The following ZNF583 variants were observed in gnomAD, a reference collection of about 807,000 sequenced individuals.
The protein encoded by ZNF583 is zinc finger protein L3-5.
Under a neutral mutation model 55.3 loss-of-function variants are expected in ZNF583, and 30 were observed. That is an observed-to-expected ratio of 0.54 (90% confidence interval 0.41 to 0.74). ZNF583 has a LOEUF of 0.74. ZNF583 is among the 30% of genes least tolerant of loss of function. The probability of loss-of-function intolerance (pLI) is 0.00; values close to 1 mark genes in which losing one functional copy is unlikely to be tolerated. For missense variants in ZNF583, 504 were observed against 664.7 expected, an observed-to-expected ratio of 0.76 and a Z score of 2.66; for synonymous variants, 208 against 220.0, an observed-to-expected ratio of 0.95 and a Z score of 0.48.
upstream of ZNF583, chr19:56,404,219 G>C (rs929889182): frequency 1.3e-5 from 2 of 152,638 alleles, no homozygotes; most frequent in African/African-American, 4.8e-5. The surrounding 1 kb of genome is among the most constrained non-coding windows in gnomAD (Gnocchi z 5.2). Context: ...GTAACTACCC[G>C]CAACTGAGCG....
Position 56,404,388 on chromosome 19 carries a change from G to T in ZNF583, c.-154G>T, listed in dbSNP as rs2042111600. 1 of 151,272 alleles carries T rather than the reference G, an allele frequency of 6.6e-6. No homozygotes were observed. The highest frequency in any genetic ancestry group is 6.6e-5 in the Admixed American group (1 of 15,254). 9.4% of individuals were successfully genotyped at this position (151,272 alleles called of 1,614,324 possible). A position where few individuals can be genotyped will look rare whatever the true frequency, so the allele number is the denominator to read the frequency against. On this transcript the variant is annotated 5_prime_UTR_variant, in exon 1 of 5. Transcript: ENST00000333201. This position sits in a 1 kb window ranked among gnomAD's most constrained non-coding sequence, Gnocchi z 5.2. ...CGGCCAGGATCGAGCCCTGGCCCGG[G>T]CCCTGGCCCAGCCCCGGCCTCCAAG...
At chr19:56,406,396 A>T (rs1022969327) in intron 1 of ZNF583, among the ~76,000 whole-genome samples, 3 of 152,194 alleles carry the variant, frequency 2.0e-5, no homozygotes, top group African/African-American at 7.2e-5. Flanking sequence ...GCCTTGAATA[A>T]TTACTCCGAT....
At chr19:56,410,691 G>T (rs2042224892) in intron 2 of ZNF583, among the ~76,000 whole-genome samples, 1 of 152,074 alleles carries the variant, frequency 6.6e-6, no homozygotes, top group Admixed American at 6.6e-5. Flanking sequence ...GACAGAGCAA[G>T]ACTCCATGTC....
chr19:56,407,197 T>C, intron 2 of ZNF583, 74 bp downstream of exon 2: 1 of 1,567,212 alleles, frequency 6.4e-7, no homozygotes. Flanking sequence ...TTTGTTTTTC[T>C]TCCAAAATTC....
chr19:56,418,310 T>TAATTACCAA (rs2042359634), intron 4 of ZNF583, among the ~76,000 whole-genome samples: 1 of 152,132 alleles, frequency 6.6e-6, no homozygotes, highest in South Asian at 2.1e-4. Flanking sequence ...TGTAATGGTG[T>TAATTACCAA]GCGCTGGTAA....
At chr19:56,418,918 G>A (rs753720307) in intron 4 of ZNF583, among the ~76,000 whole-genome samples, 3 of 152,090 alleles carry the variant, frequency 2.0e-5, no homozygotes, top group Non-Finnish European at 4.4e-5. Flanking sequence ...GTTTGAAAAC[G>A]TTACTTTCTA....
intron 4 of ZNF583, among the ~76,000 whole-genome samples, chr19:56,422,374 A>G (rs1284913323): frequency 6.6e-6 from 1 of 152,186 alleles, no homozygotes; most frequent in South Asian, 2.1e-4. Context: ...TTTGTTACAT[A>G]GAAAATGATT....
At chr19:56,407,443 G>A (rs987036086) in intron 2 of ZNF583, among the ~76,000 whole-genome samples, 1 of 152,198 alleles carries the variant, frequency 6.6e-6, no homozygotes, top group Non-Finnish European at 1.5e-5. Flanking sequence ...AGACTGAGGT[G>A]TATGTTCAGA....
In ZNF583 at chr19:56,424,405, C is replaced by G. The variant is rs373398365; in HGVS notation, c.*37C>G. 1.0e-5 allele frequency: 9 copies of G among 872,660 alleles called. No homozygotes were observed. Among genetic ancestry groups the G allele is most frequent in the Non-Finnish European group, 1.1e-5 (6 of 539,630 alleles). 54.1% of individuals were successfully genotyped at this position (872,660 alleles called of 1,614,324 possible). On this transcript the variant is annotated 3_prime_UTR_variant, in exon 5 of 5. Transcript: ENST00000333201. ...ATCCACCTCTTGAATCCATTTCCAT[C>G]CCATCATCCTTGTCCAATGCACATT... is the stretch of plus-strand genomic sequence containing the variant.
Position 56,424,362 on chromosome 19 carries a change from C to T in ZNF583, c.1704C>T (p.Ile568=). The T allele has an allele frequency of 1.5e-6, 2 of 1,336,400 alleles. No homozygotes were observed. Among genetic ancestry groups the T allele is most frequent in the Non-Finnish European group, 2.1e-6 (2 of 934,998 alleles). 82.8% of individuals were successfully genotyped at this position (1,336,400 alleles called of 1,614,324 possible). A position where few individuals can be genotyped will look rare whatever the true frequency, so the allele number is the denominator to read the frequency against. Residue 568 remains isoleucine (I), a synonymous_variant, in exon 5 of 5, where the codon ATC becomes ATT. Transcript: ENST00000333201. ...AGTTGCCAAGACCTGTAGGTTTCAT[C>T]TCCTGAATATTTCTGGAATCCACCT... ...SNQLPRPVGF[I]S is the part of the protein sequence containing the mutation.
At chr19:56,405,562 C>T (rs1397414907) in intron 1 of ZNF583, among the ~76,000 whole-genome samples, 2 of 151,810 alleles carry the variant, frequency 1.3e-5, no homozygotes, top group African/African-American at 2.4e-5. Flanking sequence ...AAGGGAGGGA[C>T]GAGAGCTGAA....
chr19:56,422,240 G>A (rs1280013740), intron 4 of ZNF583, among the ~76,000 whole-genome samples: 2 of 152,114 alleles, frequency 1.3e-5, no homozygotes, highest in Non-Finnish European at 2.9e-5. Context: ...TTTGGAACTG[G>A]ACAGGGGAAG....
chr19:56,410,965 A>G (rs746096144), intron 2 of ZNF583, among the ~76,000 whole-genome samples: 7 of 151,856 alleles, frequency 4.6e-5, no homozygotes, highest in East Asian at 2.0e-4. Flanking sequence ...AAGACTTCCA[A>G]TTCTTTAACT....
chr19:56,405,250 G>A (rs2042128286), intron 1 of ZNF583, among the ~76,000 whole-genome samples: 1 of 152,200 alleles, frequency 6.6e-6, no homozygotes, highest in Non-Finnish European at 1.5e-5. Flanking sequence ...GTGTGATTAT[G>A]TGAGACTGAG....
chr19:56,404,655 G>A lies in ZNF583; in HGVS notation c.-90+203G>A, dbSNP rs1223293900. On this transcript the variant is annotated intron_variant, in intron 1 of 4. Transcript: ENST00000333201. This position sits in a 1 kb window ranked among gnomAD's most constrained non-coding sequence, Gnocchi z 5.2. ...TGACAGTGTGAGAATGTGAGGCCGT[G>A]TGTGAATATGTGTGTCAGTGTGAGA... 1.3e-5 allele frequency among the ~76,000 whole-genome samples: 2 copies of A among 152,158 alleles called. No homozygotes were observed. The highest frequency in any genetic ancestry group is 4.8e-5 in the African/African-American group (2 of 41,428).
chr19:56,420,128 T>C (rs1208124823), intron 4 of ZNF583, among the ~76,000 whole-genome samples: 2 of 152,222 alleles, frequency 1.3e-5, no homozygotes, highest in African/African-American at 4.8e-5. Flanking sequence ...TTTTGATATG[T>C]TGTACTGTCA....
rs991384460 is a variant in ZNF583, at chr19:56,404,963, T to C, written c.-90+511T>C. ...CTGTGTGTGTGGGATAATGTAAGAC[T>C]GTGTGACAGTGTGTGTGACTTTGTG... is the stretch of plus-strand genomic sequence containing the variant. On this transcript the variant is annotated intron_variant, in intron 1 of 4. Coordinates refer to ENST00000333201, the MANE Select transcript of ZNF583 (RefSeq NM_152478.3). This position sits in a 1 kb window ranked among gnomAD's most constrained non-coding sequence, Gnocchi z 5.2. 2.6e-5 allele frequency among the ~76,000 whole-genome samples: 4 copies of C among 152,140 alleles called. No homozygotes were observed. Among genetic ancestry groups the C allele is most frequent in the African/African-American group, 9.7e-5 (4 of 41,432 alleles).
intron 4 of ZNF583, among the ~76,000 whole-genome samples, chr19:56,418,979 A>G (rs1198724662): frequency 1.3e-5 from 2 of 152,164 alleles, no homozygotes; most frequent in Middle Eastern, 3.4e-3. Context: ...TACTATTTCT[A>G]CATCTGTTGA....
Position 56,423,224 on chromosome 19 carries a change from A to G in ZNF583, c.566A>G (p.Gln189Arg). ...GAAAAAGCACATAAGCATGAACCACAAAAGAAAAGTTACCGAAAAAAATCT... is the reference window on the plus strand; with the variant it reads ...GAAAAAGCACATAAGCATGAACCACGAAAGAAAAGTTACCGAAAAAAATCT... ...TKEKAHKHEPQKKSYRKKSVE... is the reference protein window; with the variant it reads ...TKEKAHKHEPRKKSYRKKSVE... Residue 189 changes from glutamine to arginine, a missense_variant, in exon 5 of 5, where the codon CAA becomes CGA. Transcript: ENST00000333201. 1 of 1,612,934 alleles carries G rather than the reference A, an allele frequency of 6.2e-7. No individual in the cohort carries two copies. The highest frequency in any genetic ancestry group is 1.7e-4 in the Middle Eastern group (1 of 6,058).
Sources: gnomAD v4.1 joint callset for allele counts (sites outside exome capture counted in the v4.1 genomes callset) on GRCh38, gnomAD v4.1.1 for gene constraint, Gnocchi (gnomAD v3.1) non-coding constraint, MANE v1.5 for transcripts, NCBI Gene and HGNC (gene_info 2026-07-23, HGNC 2026-07-21) for gene names.